CD300LF: variants seen among roughly 807,000 people sequenced by gnomAD.
CD300LF encodes the protein CMRF35-like molecule 1.
CD300LF carries 27 observed loss-of-function variants against 32.2 expected under a neutral mutation model. That is an observed-to-expected ratio of 0.84 (90% CI 0.62 to 1.15). The LOEUF is 1.15. Among genes scored for constraint, CD300LF ranks in the 50% most tolerant of loss-of-function variants. CD300LF has a pLI of 0.00. For missense variants in CD300LF, 348 were observed against 356.8 expected, an observed-to-expected ratio of 0.98 and a Z score of 0.20; for synonymous variants, 139 against 143.2, an observed-to-expected ratio of 0.97 and a Z score of 0.21.
At chr17:74,702,033 G>T (rs1240303331) in intron 3 of CD300LF, among the ~76,000 whole-genome samples, 1 of 151,070 alleles carries the variant, frequency 6.6e-6, no homozygotes, top group Admixed American at 6.6e-5. Context: ...TAAAAAAAAA[G>T]AAAACTTTAA....
chr17:74,703,077 G>A lies in CD300LF; in HGVS notation c.404C>T (p.Thr135Ile). ...IDPAPVTQEETSSSPTLTGHH... is the reference protein window; with the variant it reads ...IDPAPVTQEEISSSPTLTGHH... The stretch of plus-strand genomic sequence containing the variant: ...GCCGGTCAGAGTTGGGGAGCTGCTA[G>A]TTTCTTCTTGGGTGACTGGTGCTGT... The change falls in exon 3 of 7, where the codon ACT becomes ATT. Residue 135 changes from threonine to isoleucine, a missense_variant. Transcript: ENST00000326165. The A allele has an allele frequency of 6.2e-7, 1 of 1,614,074 alleles. No homozygotes were observed. The highest frequency in any genetic ancestry group is 1.7e-5 in the Admixed American group (1 of 60,030).
chr17:74,712,892 C>A lies in CD300LF; in HGVS notation c.-26G>T. On this transcript the variant is annotated 5_prime_UTR_variant, in exon 1 of 7. Transcript: ENST00000326165. The stretch of plus-strand genomic sequence containing the variant: ...CTTCTCTTCAGACAGGTCCCCGTTC[C>A]CCTCAGTGGAGCCTGGCAGCAGGAA... 1 of 1,613,106 alleles carries A rather than the reference C, an allele frequency of 6.2e-7. No homozygotes were observed. The highest frequency in any genetic ancestry group is 1.1e-5 in the South Asian group (1 of 91,002).
Position 74,712,904 on chromosome 17 carries a change from C to G in CD300LF, c.-38G>C. 2 of 1,609,982 alleles carry G rather than the reference C, an allele frequency of 1.2e-6. No individual in the cohort carries two copies. Among genetic ancestry groups the G allele is most frequent in the Non-Finnish European group, 1.7e-6 (2 of 1,176,986 alleles). ...CAGGTCCCCGTTCCCCTCAGTGGAGCCTGGCAGCAGGAACAAACTACAGAC... is the reference window on the plus strand; with the variant it reads ...CAGGTCCCCGTTCCCCTCAGTGGAGGCTGGCAGCAGGAACAAACTACAGAC... On this transcript the variant is annotated 5_prime_UTR_variant, in exon 1 of 7. Transcript: ENST00000326165.
intron 3 of CD300LF, 125 bp downstream of exon 3, chr17:74,702,910 C>T: frequency 1.3e-6 from 1 of 759,150 alleles, no homozygotes; most frequent in Non-Finnish European, 2.2e-6. Context: ...CTCCCAGCTT[C>T]CTCATCCTCA....
In CD300LF at chr17:74,695,146, C is replaced by T. The variant is rs202024913; in HGVS notation, c.823G>A (p.Gly275Ser). Residue 275 changes from glycine to serine, a missense_variant, in exon 7 of 7, where the codon GGC (glycine) becomes AGC (serine). Coordinates refer to ENST00000326165, the MANE Select transcript of CD300LF (RefSeq NM_139018.5). ...TCCGTGGGCTCCTCAGGGCCCCTGC[C>T]GGGGAGGTGGCTACTGAGGTGGCCC... ...NMGHLSSHLP[G>S]RGPEEPTEYS... is the part of the protein sequence containing the mutation. 1.7e-4 allele frequency: 270 copies of T among 1,614,174 alleles called. No homozygotes were observed. The highest frequency in any genetic ancestry group is 5.3e-4 in the Admixed American group (32 of 60,012).
At position 74,710,733 on chromosome 17, in the gene CD300LF, C is replaced by G. The variant is rs187283713; in HGVS notation, c.43+2091G>C. Among the ~76,000 whole-genome samples, 113 of 151,502 alleles carry G rather than the reference C, an allele frequency of 7.5e-4. 1 individual carries two copies. In the East Asian group the frequency reaches 0.021, roughly 28 times the overall value. On this transcript the variant is annotated intron_variant, in intron 1 of 6. Transcript: ENST00000326165. ...AAAAAAAAAAAAATAGCCAGGCATG[C>G]TGGCACACCTGTAATCCCAGCTACT... is the stretch of plus-strand genomic sequence containing the variant.
intron 4 of CD300LF, among the ~76,000 whole-genome samples, 185 bp downstream of exon 4, chr17:74,698,184 T>C (rs2032689154): frequency 6.6e-6 from 1 of 152,130 alleles, no homozygotes; most frequent in Non-Finnish European, 1.5e-5. Flanking sequence ...TGCCAAAACC[T>C]CCTGGGGCTC....
Position 74,712,852 on chromosome 17 carries a change from T to C in CD300LF, c.15A>G (p.Thr5=). The C allele has an allele frequency of 6.2e-7, 1 of 1,613,594 alleles. No individual in the cohort carries two copies. Among genetic ancestry groups the C allele is most frequent in the Non-Finnish European group, 8.5e-7 (1 of 1,179,858 alleles). Residue 5 remains threonine, a synonymous_variant, in exon 1 of 7, where the codon ACA becomes ACG. Coordinates refer to ENST00000326165, the MANE Select transcript of CD300LF (RefSeq NM_139018.5). The stretch of plus-strand genomic sequence containing the variant: ...AGAGCCAGAAGAGGAGCAGGTAGAG[T>C]GTCAGCAGGGGCATCTTCTCTTCAG... MPLL[T]LYLLLFWLSG...
chr17:74,695,010 C>A lies in CD300LF; in HGVS notation c.*86G>T. The A allele has an allele frequency of 4.1e-6, 6 of 1,449,436 alleles. No individual in the cohort carries two copies. The highest frequency in any genetic ancestry group is 5.6e-6 in the Non-Finnish European group (6 of 1,067,320). 89.8% of individuals were successfully genotyped at this position (1,449,436 alleles called of 1,614,324 possible). On this transcript the variant is annotated 3_prime_UTR_variant, in exon 7 of 7. Transcript: ENST00000326165. ...CAGAGGCACCAGTCCCCGGGTTGGTCCTGATGAGGGGAGCAGGGGGCAGAC... is the reference window on the plus strand; with the variant it reads ...CAGAGGCACCAGTCCCCGGGTTGGTACTGATGAGGGGAGCAGGGGGCAGAC...
intron 1 of CD300LF, among the ~76,000 whole-genome samples, chr17:74,706,156 G>A (rs538498770): frequency 8.5e-4 from 130 of 152,054 alleles, no homozygotes; most frequent in African/African-American, 3.1e-3. Flanking sequence ...TGGGTACCAT[G>A]TTCACTATCT....
intron 1 of CD300LF, among the ~76,000 whole-genome samples, chr17:74,708,790 C>T (rs2033726665): frequency 6.6e-6 from 1 of 151,906 alleles, no homozygotes; most frequent in African/African-American, 2.4e-5. Context: ...GTGGCGGGCG[C>T]CTGTAGTCCC....
chr17:74,711,056 T>G (rs1030806328), intron 1 of CD300LF, among the ~76,000 whole-genome samples: 1 of 152,060 alleles, frequency 6.6e-6, no homozygotes, highest in Non-Finnish European at 1.5e-5. Flanking sequence ...ATAAAAAACC[T>G]TCCTTTCTCA....
intron 3 of CD300LF, among the ~76,000 whole-genome samples, chr17:74,701,287 G>A (rs1219326749): frequency 2.6e-5 from 4 of 152,114 alleles, no homozygotes; most frequent in South Asian, 2.1e-4. Context: ...TAAGTACCTC[G>A]AGGGCAGGCA....
At chr17:74,712,120 C>G (rs899664741) in intron 1 of CD300LF, among the ~76,000 whole-genome samples, 2 of 151,960 alleles carry the variant, frequency 1.3e-5, no homozygotes, top group African/African-American at 4.8e-5. Context: ...ACATGTTACC[C>G]AAGCTGGTCT....
At chr17:74,708,912 T>C (rs1224250705) in intron 1 of CD300LF, among the ~76,000 whole-genome samples, 1 of 128,450 alleles carries the variant, frequency 7.8e-6, no homozygotes, top group South Asian at 2.5e-4. Context: ...CAAGACTCCG[T>C]CTCAAAAAAA....
chr17:74,701,753 G>T (rs1011515614), intron 3 of CD300LF, among the ~76,000 whole-genome samples: 20 of 151,798 alleles, frequency 1.3e-4, no homozygotes, highest in African/African-American at 4.8e-4. Flanking sequence ...GAGAAGCTGA[G>T]GTATGAGAAT....
At chr17:74,705,964 GC>G (rs2033471647) in intron 1 of CD300LF, among the ~76,000 whole-genome samples, 1 of 152,136 alleles carries the variant, frequency 6.6e-6, no homozygotes, top group Admixed American at 6.5e-5. Context: ...GTGGCTGGAG[GC>G]CATTATCCTA....
At position 74,708,698 on chromosome 17, in the gene CD300LF, G is replaced by C. The variant is rs11077760; in HGVS notation, c.44-3882C>G. Among the ~76,000 whole-genome samples the C allele has an allele frequency of 2.0e-4, 30 of 152,028 alleles. 1 individual carries two copies. The highest frequency in any genetic ancestry group is 4.6e-4 in the Admixed American group (7 of 15,264). On this transcript the variant is annotated intron_variant, in intron 1 of 6. Transcript: ENST00000326165. ...TTGGGAGGCCAAGGCGGGCGGATCAGGAGGTGAGGAGATCGAGACCATCCT... is the reference window on the plus strand; with the variant it reads ...TTGGGAGGCCAAGGCGGGCGGATCACGAGGTGAGGAGATCGAGACCATCCT...
intron 1 of CD300LF, among the ~76,000 whole-genome samples, chr17:74,710,791 TG>T (rs1038374305): frequency 4.0e-5 from 6 of 151,202 alleles, no homozygotes; most frequent in Admixed American, 2.6e-4. Context: ...CACTTGAATC[TG>T]GGAGGCAGAG....
Sources: allele counts gnomAD v4.1 joint callset (sites outside exome capture counted in the v4.1 genomes callset), GRCh38; gene constraint gnomAD v4.1.1; transcripts MANE v1.5; gene names NCBI Gene and HGNC (gene_info 2026-07-23, HGNC 2026-07-21).